The following SLC9C1 variants were observed in gnomAD, a reference collection of about 807,000 sequenced individuals.
The protein encoded by SLC9C1 is solute carrier family 9 member C1, also known as sodium/hydrogen exchanger 10.
A neutral mutation model predicts 140.9 loss-of-function variants in SLC9C1; 97 were observed. That is an observed-to-expected ratio of 0.69 (90% CI 0.58 to 0.82). The LOEUF (loss-of-function observed/expected upper bound fraction) is 0.82, where lower values mean the gene tolerates loss of function less well. Among genes scored for constraint, SLC9C1 ranks in the 40% least tolerant of loss-of-function variants. The pLI, the probability that SLC9C1 is intolerant of heterozygous loss-of-function variation, is 0.00. For missense variants in SLC9C1, 1,340 were observed against 1,389.3 expected (o/e 0.96, Z 0.56); for synonymous variants, 440 against 442.6 (o/e 0.99, Z 0.07).
chr3:112,292,618 A>G (rs889766496), intron 1 of SLC9C1, among the ~76,000 whole-genome samples: 5 of 152,106 alleles, frequency 3.3e-5, no homozygotes, highest in African/African-American at 1.2e-4. Context: ...ATCTCGGCTC[A>G]CTGCAAGCTC....
Position 112,235,085 on chromosome 3 carries a change from G to A in SLC9C1, c.1447-3599C>T, listed in dbSNP as rs535902315. On this transcript the variant is annotated intron_variant, in intron 12 of 28. Coordinates refer to ENST00000305815, the MANE Select transcript of SLC9C1 (RefSeq NM_183061.3). Reference sequence around the variant, plus strand: ...CCTTGGGCAGTATGGCCATTTTCACGATATTGATTCTTCCTATCCATGAGC... The same window carrying A: ...CCTTGGGCAGTATGGCCATTTTCACAATATTGATTCTTCCTATCCATGAGC... Among the ~76,000 whole-genome samples, 1,033 of 147,800 alleles carry A rather than the reference G, an allele frequency of 7.0e-3. 14 individuals carry two copies. The highest frequency in any genetic ancestry group is 0.024 in the African/African-American group (949 of 40,120).
At chr3:112,184,695 A>G (rs2077500073) in intron 20 of SLC9C1, among the ~76,000 whole-genome samples, 1 of 152,228 alleles carries the variant, frequency 6.6e-6, no homozygotes, top group Non-Finnish European at 1.5e-5. Flanking sequence ...TGAGATGCCC[A>G]GAGGTAGCTG....
At chr3:112,179,926 A>G (rs2077407171) in intron 22 of SLC9C1, among the ~76,000 whole-genome samples, 1 of 152,216 alleles carries the variant, frequency 6.6e-6, no homozygotes, top group African/African-American at 2.4e-5. Flanking sequence ...TACTTAGTTA[A>G]TCTATACCCA....
chr3:112,284,379 G>C (rs2080444186), intron 2 of SLC9C1, among the ~76,000 whole-genome samples: 1 of 152,166 alleles, frequency 6.6e-6, no homozygotes, highest in African/African-American at 2.4e-5. Flanking sequence ...TGCATTGAAA[G>C]AAAATGGTAA....
At chr3:112,208,009 C>T (rs984180326) in intron 16 of SLC9C1, among the ~76,000 whole-genome samples, 169 bp downstream of exon 16, 8 of 152,142 alleles carry the variant, frequency 5.3e-5, no homozygotes, top group African/African-American at 1.9e-4. Context: ...TGCATATTAT[C>T]TATTGAGTTA....
intron 17 of SLC9C1, among the ~76,000 whole-genome samples, chr3:112,203,845 C>T (rs1248247372): frequency 6.6e-6 from 1 of 151,758 alleles, no homozygotes; most frequent in Non-Finnish European, 1.5e-5. Context: ...TTTTCTTTGT[C>T]CCTATAAATA....
chr3:112,185,459 T>C (rs2077516052), intron 20 of SLC9C1: 1 of 1,595,068 alleles, frequency 6.3e-7, no homozygotes, highest in East Asian at 2.2e-5. Flanking sequence ...GAAACAGTTT[T>C]TTCCAGCGTG....
Position 112,141,028 on chromosome 3 carries a change from A to AT in SLC9C1, c.*243_*244insA. 1 of 377,610 alleles carries AT rather than the reference A, an allele frequency of 2.6e-6. No homozygotes were observed. Among genetic ancestry groups the AT allele is most frequent in the Admixed American group, 4.6e-5 (1 of 21,828 alleles). 23.4% of individuals were successfully genotyped at this position (377,610 alleles called of 1,614,324 possible). On this transcript the variant is annotated 3_prime_UTR_variant, in exon 29 of 29. Transcript: ENST00000305815. Reference sequence around the variant, plus strand: ...GGCTTTAAGACTAAAATTTACTCTAAGATTTTCTAAAATGTTTTGTATATT... The same window carrying AT: ...GGCTTTAAGACTAAAATTTACTCTAATGATTTTCTAAAATGTTTTGTATATT...
At chr3:112,163,885 C>A (rs1421680009) in intron 26 of SLC9C1, among the ~76,000 whole-genome samples, 1 of 151,868 alleles carries the variant, frequency 6.6e-6, no homozygotes, top group African/African-American at 2.4e-5. Context: ...TAAAGTCTCC[C>A]ATTATTAATG....
Position 112,217,444 on chromosome 3 carries a change from T to G in SLC9C1, c.1788A>C (p.Ser596=), listed in dbSNP as rs752627434. ...YNTRKEKEGP[S]KYFFFRICHT... The stretch of plus-strand genomic sequence containing the variant: ...TTATAAGGTTCAAAAGCACTTACTT[T>G]GATGGGCCCTCTTTTTCCTTTCTGG... The change falls in exon 15 of 29, where the codon TCA becomes TCC. Residue 596 remains serine, a splice_region_variant and synonymous_variant. Transcript: ENST00000305815. 2.5e-6 allele frequency: 4 copies of G among 1,583,744 alleles called. No homozygotes were observed. In the East Asian group the frequency reaches 9.0e-5, roughly 36 times the overall value.
chr3:112,202,479 TTAA>T (rs1482563843), intron 17 of SLC9C1, 80 bp from the exon 18 acceptor site: 5 of 1,392,912 alleles, frequency 3.6e-6, no homozygotes, highest in Non-Finnish European at 4.8e-6. Context: ...ATCAAAATAG[TTAA>T]TAATAAGAAA....
At chr3:112,215,521 A>C (rs964053139) in intron 15 of SLC9C1, among the ~76,000 whole-genome samples, 98 of 152,224 alleles carry the variant, frequency 6.4e-4, no homozygotes, top group African/African-American at 2.1e-3. Context: ...TCCCAGGATA[A>C]AAAATCAATG....
intron 13 of SLC9C1, among the ~76,000 whole-genome samples, chr3:112,228,972 C>T (rs529243618): frequency 1.8e-4 from 28 of 152,070 alleles, no homozygotes; most frequent in Non-Finnish European, 3.7e-4. Context: ...TATATTTACA[C>T]AACAGAATAC....
chr3:112,178,964 T>G (rs1198608398), intron 23 of SLC9C1, among the ~76,000 whole-genome samples: 3 of 152,228 alleles, frequency 2.0e-5, no homozygotes, highest in African/African-American at 7.2e-5. Context: ...AAAATCCATT[T>G]TCAAAGTAAT....
chr3:112,185,250 T>G (rs997253171), intron 20 of SLC9C1, among the ~76,000 whole-genome samples: 1 of 150,988 alleles, frequency 6.6e-6, no homozygotes, highest in Admixed American at 6.6e-5. Flanking sequence ...GGCCAAACTC[T>G]GGGGGATAAA....
chr3:112,194,408 C>T (rs1469297547), intron 20 of SLC9C1, among the ~76,000 whole-genome samples: 1 of 152,168 alleles, frequency 6.6e-6, no homozygotes, highest in Non-Finnish European at 1.5e-5. Flanking sequence ...CCTGCCTGTG[C>T]TTTAGTTTTC....
At chr3:112,187,253 CAAGT>C (rs1487891249) in intron 20 of SLC9C1, among the ~76,000 whole-genome samples, 29 of 152,250 alleles carry the variant, frequency 1.9e-4, no homozygotes, top group Non-Finnish European at 5.9e-5. Flanking sequence ...CTGTGAGAAT[CAAGT>C]GAGTAAAGAT....
At chr3:112,177,789 GT>G (rs550137727) in intron 23 of SLC9C1, among the ~76,000 whole-genome samples, 52 of 144,826 alleles carry the variant, frequency 3.6e-4, no homozygotes, top group South Asian at 2.8e-3. Flanking sequence ...AAGTTTTAGG[GT>G]TTTTTTTTTA....
chr3:112,257,301 C>G (rs2108277125), intron 10 of SLC9C1, among the ~76,000 whole-genome samples: 1 of 152,150 alleles, frequency 6.6e-6, no homozygotes, highest in Admixed American at 6.6e-5. Context: ...TCAAAATGTC[C>G]AACAGGGCTA....
Sources: gnomAD v4.1 joint callset for allele counts (sites outside exome capture counted in the v4.1 genomes callset) on GRCh38, gnomAD v4.1.1 for gene constraint, MANE v1.5 for transcripts, NCBI Gene and HGNC (gene_info 2026-07-23, HGNC 2026-07-21) for gene names.